PTPN12: variants seen among roughly 807,000 people sequenced by gnomAD.
PTPN12 encodes protein tyrosine phosphatase non-receptor type 12, also known as tyrosine-protein phosphatase non-receptor type 12.
A neutral mutation model predicts 97.6 loss-of-function variants in PTPN12; 29 were observed. The observed-to-expected ratio is 0.30, with a 90% CI of 0.22 to 0.41. PTPN12 has a LOEUF of 0.41. Ranked by LOEUF, PTPN12 falls within the 10% of genes least tolerant of loss-of-function variation. PTPN12 has a pLI of 1.00. For synonymous variants in PTPN12, 327 were observed against 300.4 expected, an observed-to-expected ratio of 1.09 and a Z score of -0.91; for missense variants, 819 against 926.0, an observed-to-expected ratio of 0.88 and a Z score of 1.50.
intron 1 of PTPN12, 138 bp downstream of exon 1, chr7:77,537,783 G>C: frequency 1.0e-6 from 1 of 997,772 alleles, no homozygotes; most frequent in African/African-American, 1.7e-5. Context: ...GGGTGAGCCG[G>C]GTGGTCTCGG....
intron 2 of PTPN12, among the ~76,000 whole-genome samples, chr7:77,573,797 G>A (rs1787242998): frequency 6.6e-6 from 1 of 152,124 alleles, no homozygotes; most frequent in Admixed American, 6.5e-5. Flanking sequence ...GTCTTGCTCT[G>A]TTGCCCAGGC....
intron 1 of PTPN12, among the ~76,000 whole-genome samples, chr7:77,562,561 G>A (rs1221502416): frequency 1.3e-5 from 2 of 152,100 alleles, no homozygotes; most frequent in Non-Finnish European, 2.9e-5. Flanking sequence ...CTAGATTTTG[G>A]AATTTTAGGG....
At chr7:77,542,020 A>G (rs1040178432) in intron 1 of PTPN12, among the ~76,000 whole-genome samples, 2 of 152,048 alleles carry the variant, frequency 1.3e-5, no homozygotes, top group African/African-American at 4.8e-5. Context: ...TTTTAACTCC[A>G]CACAGACTCC....
chr7:77,636,512 G>A (rs966903995), intron 15 of PTPN12, among the ~76,000 whole-genome samples: 1 of 152,058 alleles, frequency 6.6e-6, no homozygotes, highest in Non-Finnish European at 1.5e-5. Context: ...GGCCCCAGAG[G>A]TCAAGGCTGC....
At chr7:77,636,646 C>G in intron 15 of PTPN12, 1 of 174,428 alleles carries the variant, frequency 5.7e-6, no homozygotes, top group Non-Finnish European at 1.2e-5. Flanking sequence ...TTTGTATTTT[C>G]TCCCATACTT....
At chr7:77,605,454 C>T (rs1394065109) in intron 8 of PTPN12, among the ~76,000 whole-genome samples, 1 of 110,484 alleles carries the variant, frequency 9.1e-6, no homozygotes, top group Admixed American at 1.3e-4. Flanking sequence ...GAGTCTCGCT[C>T]TGTCGCCCAA....
intron 11 of PTPN12, among the ~76,000 whole-genome samples, chr7:77,614,707 T>C (rs2151380448): frequency 6.6e-6 from 1 of 152,268 alleles, no homozygotes; most frequent in East Asian, 1.9e-4. Flanking sequence ...TTGCAGACCA[T>C]AAATCTTAAA....
At chr7:77,623,092 T>C (rs1184045934) in intron 12 of PTPN12, among the ~76,000 whole-genome samples, 1 of 151,652 alleles carries the variant, frequency 6.6e-6, no homozygotes, top group African/African-American at 2.4e-5. Flanking sequence ...AAGCTTGATA[T>C]ACACCACCAA....
rs753982562 is a variant in PTPN12, at chr7:77,627,179, AAC to A, written c.1504_1505del (p.Gln502IlefsTer27). 6.2e-7 allele frequency: 1 copy of A among 1,614,192 alleles called. No homozygotes were observed. Among genetic ancestry groups the A allele is most frequent in the Non-Finnish European group, 8.5e-7 (1 of 1,180,022 alleles). ...SQNSCVDCSV[T>X]QSNKVSVTPP... ...AGAATTCTTGTGTGGACTGCAGTGT[AAC>A]ACAATCAAACAAAGTTTCAGTTACT... is the stretch of plus-strand genomic sequence containing the variant. On this transcript the variant is annotated frameshift_variant, in exon 13 of 18. Transcript: ENST00000248594. LOFTEE classifies it high-confidence loss of function.
intron 1 of PTPN12, among the ~76,000 whole-genome samples, chr7:77,567,930 A>G (rs1584120076): frequency 6.6e-6 from 1 of 152,218 alleles, no homozygotes; most frequent in East Asian, 1.9e-4. Flanking sequence ...CACAGCTAAG[A>G]AAGTACCAGA....
At chr7:77,574,841 C>CT (rs199678398) in intron 2 of PTPN12, among the ~76,000 whole-genome samples, 69 of 150,150 alleles carry the variant, frequency 4.6e-4, no homozygotes, top group Admixed American at 3.3e-3. Context: ...ATTTTTTTTT[C>CT]TTTTTTTTGA....
chr7:77,580,370 G>T (rs998572021), intron 2 of PTPN12, among the ~76,000 whole-genome samples: 4 of 152,162 alleles, frequency 2.6e-5, no homozygotes, highest in Non-Finnish European at 5.9e-5. Context: ...AAATCTTTCT[G>T]TGCTTTGGGA....
rs189768470 is a variant in PTPN12 at position 77,619,784 on chromosome 7, G to C, written c.1025+1219G>C. 1.1e-3 allele frequency among the ~76,000 whole-genome samples: 172 copies of C among 152,228 alleles called. 1 individual carries two copies. Among genetic ancestry groups the C allele is most frequent in the African/African-American group, 4.0e-3 (166 of 41,526 alleles). ...TAGTAACAGATTTTTTAAGTGTGGT[G>C]GTAGTTATAGTCTCTAGAATACCTT... is the stretch of plus-strand genomic sequence containing the variant. On this transcript the variant is annotated intron_variant, in intron 12 of 17. Coordinates refer to ENST00000248594, the MANE Select transcript of PTPN12 (RefSeq NM_002835.4).
chr7:77,632,324 T>C (rs765227420), intron 13 of PTPN12, 24 bp from the exon 14 acceptor site: 4 of 1,518,528 alleles, frequency 2.6e-6, no homozygotes, highest in Non-Finnish European at 3.7e-6. Flanking sequence ...TTAATTTGTC[T>C]AAATTTTTAT....
intron 1 of PTPN12, among the ~76,000 whole-genome samples, chr7:77,542,445 T>C (rs528608861): frequency 5.9e-4 from 90 of 152,286 alleles, no homozygotes; most frequent in African/African-American, 2.1e-3. Flanking sequence ...CATTTGTGTT[T>C]TACAAAGTTG....
At chr7:77,610,886 GCTTT>G in intron 10 of PTPN12, 44 bp downstream of exon 10, 1 of 1,584,986 alleles carries the variant, frequency 6.3e-7, no homozygotes, top group Non-Finnish European at 8.6e-7. Context: ...TTTTATAAAT[GCTTT>G]CTTCTTTTTT....
intron 1 of PTPN12, among the ~76,000 whole-genome samples, chr7:77,564,853 G>A (rs1259072400): frequency 1.5e-5 from 2 of 137,878 alleles, no homozygotes; most frequent in Non-Finnish European, 3.0e-5. Context: ...CGCCTTACTG[G>A]TTTAAGTGAT....
At chr7:77,570,002 C>G (rs1341238511) in intron 1 of PTPN12, among the ~76,000 whole-genome samples, 1 of 152,064 alleles carries the variant, frequency 6.6e-6, no homozygotes, top group Non-Finnish European at 1.5e-5. Context: ...TACAGTTTTT[C>G]CTCTGACACA....
intron 13 of PTPN12, among the ~76,000 whole-genome samples, chr7:77,629,269 T>A (rs1014717134): frequency 6.6e-6 from 1 of 152,228 alleles, no homozygotes. Context: ...CTTAAACTAT[T>A]TGCTTAAATT....
Sources: allele counts gnomAD v4.1 joint callset (sites outside exome capture counted in the v4.1 genomes callset), GRCh38; gene constraint gnomAD v4.1.1; transcripts MANE v1.5; gene names NCBI Gene and HGNC (gene_info 2026-07-23, HGNC 2026-07-21).